Variants in LRRTM4 observed in about 807,000 individuals in gnomAD.
LRRTM4 encodes the protein leucine rich repeat transmembrane neuronal 4.
In LRRTM4, 25 loss-of-function variants were observed where a neutral mutation model predicts 47.6. The ratio of observed to expected loss-of-function variants is 0.53; its 90% CI spans 0.38 to 0.73. LRRTM4 has a LOEUF of 0.73. LRRTM4 is among the 30% of genes least tolerant of loss of function. The pLI is 0.00. For synonymous variants in LRRTM4, 311 were observed against 269.5 expected (o/e 1.15, Z -1.51); for missense variants, 638 against 713.4 (o/e 0.89, Z 1.20).
chr2:77,521,527 A>G (rs996178595), intron 2 of LRRTM4, 141 bp downstream of exon 2: 9 of 874,440 alleles, frequency 1.0e-5, no homozygotes, highest in Non-Finnish European at 1.3e-5. Flanking sequence ...TATAATAGCA[A>G]CTATAGTGAA....
At chr2:76,923,707 T>A (rs1674504171) in intron 3 of LRRTM4, among the ~76,000 whole-genome samples, 1 of 152,198 alleles carries the variant, frequency 6.6e-6, no homozygotes, top group East Asian at 1.9e-4. Flanking sequence ...ACTGTACTAG[T>A]ATTTTGCAAA....
chr2:76,907,100 T>A (rs1161061585), intron 3 of LRRTM4, among the ~76,000 whole-genome samples: 3 of 151,252 alleles, frequency 2.0e-5, no homozygotes, highest in Admixed American at 6.6e-5. Flanking sequence ...GAAGTAAAGC[T>A]CTCCTCAGCA....
intron 3 of LRRTM4, among the ~76,000 whole-genome samples, chr2:77,055,558 G>A (rs1002190309): frequency 3.9e-5 from 6 of 152,306 alleles, no homozygotes; most frequent in African/African-American, 1.4e-4. Flanking sequence ...TGGAGAGGAT[G>A]TGGAGAAATA....
At chr2:76,807,447 T>TATATATATATAC (rs1336491347) in intron 3 of LRRTM4, among the ~76,000 whole-genome samples, 39 of 90,776 alleles carry the variant, frequency 4.3e-4, no homozygotes, top group Non-Finnish European at 5.7e-4. Context: ...CGTATATACA[T>TATATATATATAC]ATATATATAT....
intron 3 of LRRTM4, among the ~76,000 whole-genome samples, chr2:76,920,175 T>C (rs1487349188): frequency 6.6e-6 from 1 of 152,188 alleles, no homozygotes; most frequent in Non-Finnish European, 1.5e-5. Flanking sequence ...TTTATGACAC[T>C]GTAATCTTAA....
intron 3 of LRRTM4, among the ~76,000 whole-genome samples, chr2:76,806,413 C>T (rs553260274): frequency 6.6e-6 from 1 of 152,238 alleles, no homozygotes; most frequent in Non-Finnish European, 1.5e-5. Context: ...GAAACCCCGT[C>T]TCTACTAAAA....
At chr2:77,207,676 G>T (rs1247387891) in intron 3 of LRRTM4, among the ~76,000 whole-genome samples, 1 of 151,656 alleles carries the variant, frequency 6.6e-6, no homozygotes, top group Non-Finnish European at 1.5e-5. Context: ...ATTCTGGATG[G>T]TATGTAGATT....
intron 3 of LRRTM4, among the ~76,000 whole-genome samples, chr2:77,274,448 G>T (rs1402670935): frequency 5.9e-5 from 9 of 152,186 alleles, no homozygotes; most frequent in Middle Eastern, 3.4e-3. Flanking sequence ...CTTATGGGAA[G>T]AATTTTTTTA....
intron 3 of LRRTM4, among the ~76,000 whole-genome samples, chr2:77,506,008 C>T (rs1359740272): frequency 6.6e-6 from 1 of 151,512 alleles, no homozygotes; most frequent in Non-Finnish European, 1.5e-5. Context: ...AAAACCATGA[C>T]ATTTCTTTTT....
intron 3 of LRRTM4, among the ~76,000 whole-genome samples, chr2:76,821,158 T>C (rs558472554): frequency 6.6e-6 from 1 of 151,784 alleles, no homozygotes; most frequent in East Asian, 1.9e-4. Flanking sequence ...AAAGAGTTAT[T>C]CCTTCAGCAA....
At chr2:76,794,640 A>C (rs925011693) in intron 3 of LRRTM4, among the ~76,000 whole-genome samples, 1 of 152,104 alleles carries the variant, frequency 6.6e-6, no homozygotes, top group Non-Finnish European at 1.5e-5. Flanking sequence ...TTTTCCTAGT[A>C]TTTACATTTT....
intron 3 of LRRTM4, among the ~76,000 whole-genome samples, chr2:77,081,733 C>G (rs1398317835): frequency 6.6e-6 from 1 of 152,070 alleles, no homozygotes; most frequent in Non-Finnish European, 1.5e-5. Context: ...AAAAATTGTT[C>G]TAGACCTAAT....
intron 1 of LRRTM4, 126 bp from the exon 2 acceptor site, chr2:77,521,944 G>A (rs931528047): frequency 2.3e-5 from 13 of 570,486 alleles, no homozygotes; most frequent in Middle Eastern, 2.9e-4. Context: ...AAGCCGTTGG[G>A]GGGATAGGGA....
chr2:77,372,449 T>A (rs1672685666), intron 3 of LRRTM4, among the ~76,000 whole-genome samples: 1 of 151,730 alleles, frequency 6.6e-6, no homozygotes, highest in Non-Finnish European at 1.5e-5. Flanking sequence ...CCTATTTAAT[T>A]TTTAATGGAC....
intron 3 of LRRTM4, among the ~76,000 whole-genome samples, chr2:77,028,575 C>T (rs967080833): frequency 6.6e-6 from 1 of 151,622 alleles, no homozygotes; most frequent in East Asian, 1.9e-4. Flanking sequence ...ATAATTTCAA[C>T]AAGAATAAGG....
chr2:77,518,761 T>C lies in LRRTM4; in HGVS notation c.1108A>G (p.Arg370Gly). 1 of 1,613,354 alleles carries C rather than the reference T, an allele frequency of 6.2e-7. No individual in the cohort carries two copies. The highest frequency in any genetic ancestry group is 2.2e-5 in the East Asian group (1 of 44,822). ...CSEVQVVNTERSHLVPQTPQK... is the reference protein window; with the variant it reads ...CSEVQVVNTEGSHLVPQTPQK... ...GGAGTTTGGGGCACCAGGTGTGATCTTTCTGTGTTGACCACCTGGACTTCA... is the reference window on the plus strand; with the variant it reads ...GGAGTTTGGGGCACCAGGTGTGATCCTTCTGTGTTGACCACCTGGACTTCA... Residue 370 changes from arginine (R) to glycine (G), a missense_variant, in exon 3 of 4, where the codon AGA becomes GGA. Transcript: ENST00000409884.
chr2:77,248,840 A>T (rs74260784), intron 3 of LRRTM4, among the ~76,000 whole-genome samples: 2,765 of 152,272 alleles, frequency 0.018, 82 homozygotes, highest in African/African-American at 0.057. Context: ...CAGGACACCC[A>T]CATACAAGAT....
chr2:77,318,079 T>TCA (rs1314161207), intron 3 of LRRTM4, among the ~76,000 whole-genome samples: 1 of 142,810 alleles, frequency 7.0e-6, no homozygotes, highest in East Asian at 2.2e-4. Context: ...CGATCTTGGC[T>TCA]CACTACAAGC....
At chr2:77,361,959 C>A (rs1352413200) in intron 3 of LRRTM4, among the ~76,000 whole-genome samples, 1 of 151,840 alleles carries the variant, frequency 6.6e-6, no homozygotes, top group Non-Finnish European at 1.5e-5. Flanking sequence ...GTGGCACATG[C>A]CTGTAGTCCC....
Sources: gnomAD v4.1 joint callset for allele counts (sites outside exome capture counted in the v4.1 genomes callset) on GRCh38, gnomAD v4.1.1 for gene constraint, MANE v1.5 for transcripts, NCBI Gene and HGNC (gene_info 2026-07-23, HGNC 2026-07-21) for gene names.